The following LRRIQ1 variants were observed in gnomAD, a reference collection of about 807,000 sequenced individuals.
LRRIQ1 encodes leucine-rich repeat- and IQ domain-containing protein 1.
Under a neutral mutation model 211.9 loss-of-function variants are expected in LRRIQ1, and 210 were observed. The observed-to-expected ratio is 0.99, with a 90% CI of 0.89 to 1.11. The LOEUF (loss-of-function observed/expected upper bound fraction) is 1.11, where lower values mean the gene tolerates loss of function less well. Among genes scored for constraint, LRRIQ1 ranks in the 50% most tolerant of loss-of-function variants. The probability of loss-of-function intolerance (pLI) is 0.00; values close to 1 mark genes in which losing one functional copy is unlikely to be tolerated. For missense variants in LRRIQ1, 2,136 were observed against 1,939.5 expected (o/e 1.10, Z -1.90); for synonymous variants, 699 against 650.1 (o/e 1.08, Z -1.14).
chr12:85,192,960 AATATAATTATATATAAATATATAATT>A (rs1892658386), intron 24 of LRRIQ1, among the ~76,000 whole-genome samples: 1 of 87,090 alleles, frequency 1.1e-5, no homozygotes. Context: ...ATAATTATAT[AATATAATTATATATAAATATATAATT>A]ATATAATATA....
At chr12:85,107,960 G>T (rs770773901) in intron 15 of LRRIQ1, among the ~76,000 whole-genome samples, 6 of 151,934 alleles carry the variant, frequency 3.9e-5, no homozygotes, top group African/African-American at 7.3e-5. Context: ...AATAATAATA[G>T]CTGTATTAAT....
chr12:85,187,809 CAAAAAAA>C (rs749849862), intron 24 of LRRIQ1, among the ~76,000 whole-genome samples: 1 of 97,602 alleles, frequency 1.0e-5, no homozygotes, highest in Non-Finnish European at 2.1e-5. Flanking sequence ...AACTTCATCT[CAAAAAAA>C]AAAAAAAAAA....
intron 3 of LRRIQ1, among the ~76,000 whole-genome samples, chr12:85,042,324 T>G (rs2135885293): frequency 6.6e-6 from 1 of 151,014 alleles, no homozygotes; most frequent in South Asian, 2.1e-4. Flanking sequence ...ATGAATAAAG[T>G]AATTTTCCCA....
At chr12:85,070,486 C>T (rs1335507187) in intron 10 of LRRIQ1, among the ~76,000 whole-genome samples, 2 of 151,934 alleles carry the variant, frequency 1.3e-5, no homozygotes, top group South Asian at 2.1e-4. Context: ...AGCAGAATGA[C>T]AGGGCTAAAT....
intron 24 of LRRIQ1, among the ~76,000 whole-genome samples, chr12:85,217,511 TG>T (rs1894174847): frequency 2.4e-5 from 1 of 41,906 alleles, no homozygotes. Flanking sequence ...TATATATATG[TG>T]TGTGTGTGTG....
intron 11 of LRRIQ1, among the ~76,000 whole-genome samples, chr12:85,097,820 A>C (rs1886021962): frequency 6.6e-6 from 1 of 152,100 alleles, no homozygotes; most frequent in Non-Finnish European, 1.5e-5. Flanking sequence ...GGCTCATCTA[A>C]TATTTTGTAG....
intron 25 of LRRIQ1, 42 bp from the exon 26 acceptor site, chr12:85,232,654 C>G: frequency 6.6e-7 from 1 of 1,522,844 alleles, no homozygotes; most frequent in Non-Finnish European, 9.1e-7. Flanking sequence ...GCTTCCTCTA[C>G]ATTTACATTA....
chr12:85,196,902 G>A (rs968093139), intron 24 of LRRIQ1, among the ~76,000 whole-genome samples: 10 of 152,016 alleles, frequency 6.6e-5, no homozygotes, highest in Non-Finnish European at 4.4e-5. Context: ...CCTACAAAAT[G>A]GGAGAAAATT....
In LRRIQ1 at chr12:85,160,618, A is replaced by T. The variant is rs971769061; in HGVS notation, c.4726A>T (p.Thr1576Ser). ...SKKLKKKIDS[T>S]VRLALFKNNE... ...TTCTTATTCGTTTTGTTTAGATTCC[A>T]CTGTGCGTCTAGCCTTATTCAAAAA... The change falls in exon 24 of 27, where the codon ACT becomes TCT. Residue 1576 changes from threonine to serine, a missense_variant. Thr to Ser is a moderately conservative substitution (Grantham distance 58). Transcript: ENST00000393217. 7 of 1,597,134 alleles carry T rather than the reference A, an allele frequency of 4.4e-6. No individual in the cohort carries two copies. The highest frequency in any genetic ancestry group is 1.7e-6 in the Non-Finnish European group (2 of 1,166,032).
intron 6 of LRRIQ1, chr12:85,047,810 A>G (rs1239031954): frequency 9.5e-6 from 2 of 211,450 alleles, no homozygotes; most frequent in African/African-American, 4.7e-5. Context: ...ATTCTTGAGT[A>G]TGCATTAACC....
intron 24 of LRRIQ1, among the ~76,000 whole-genome samples, chr12:85,226,667 C>T (rs1302466501): frequency 1.4e-5 from 2 of 141,768 alleles, no homozygotes; most frequent in African/African-American, 5.4e-5. Flanking sequence ...TCTCCTAATG[C>T]CATCCCTCCC....
chr12:85,163,385 C>T (rs1209196565), intron 24 of LRRIQ1, among the ~76,000 whole-genome samples: 1 of 152,112 alleles, frequency 6.6e-6, no homozygotes, highest in Non-Finnish European at 1.5e-5. Flanking sequence ...ATTAAATTTT[C>T]CTGTAGGTTC....
chr12:85,208,705 G>A (rs1423046667), intron 24 of LRRIQ1, among the ~76,000 whole-genome samples: 3 of 152,060 alleles, frequency 2.0e-5, no homozygotes, highest in Non-Finnish European at 4.4e-5. Context: ...CTCAATGGAT[G>A]GATTAAAGAA....
At chr12:85,121,198 T>C (rs1887957589) in intron 15 of LRRIQ1, among the ~76,000 whole-genome samples, 1 of 152,078 alleles carries the variant, frequency 6.6e-6, no homozygotes, top group African/African-American at 2.4e-5. Context: ...CAGGAGAAAA[T>C]ATAATTGTAG....
chr12:85,063,990 G>A (rs145127491), intron 8 of LRRIQ1, among the ~76,000 whole-genome samples: 12 of 151,780 alleles, frequency 7.9e-5, no homozygotes, highest in East Asian at 3.9e-4. Context: ...GAGTACTGCC[G>A]TAAAAATGAG....
chr12:85,170,624 T>C (rs559600591), intron 24 of LRRIQ1, among the ~76,000 whole-genome samples: 25 of 151,704 alleles, frequency 1.6e-4, no homozygotes, highest in African/African-American at 5.8e-4. Flanking sequence ...CTCTTAGAGT[T>C]TTTTGAAATG....
intron 1 of LRRIQ1, among the ~76,000 whole-genome samples, chr12:85,255,982 T>C (rs1258776904): frequency 6.6e-6 from 1 of 151,700 alleles, no homozygotes; most frequent in East Asian, 1.9e-4. Flanking sequence ...ACATAATAGT[T>C]ATTGATTTAC....
chr12:85,083,223 C>T (rs1392211713), intron 11 of LRRIQ1, among the ~76,000 whole-genome samples: 1 of 152,104 alleles, frequency 6.6e-6, no homozygotes, highest in Non-Finnish European at 1.5e-5. Context: ...ATCAGTTTAA[C>T]AAGTTTTCTC....
chr12:85,166,345 C>T (rs1427503671), intron 24 of LRRIQ1, among the ~76,000 whole-genome samples: 1 of 152,176 alleles, frequency 6.6e-6, no homozygotes, highest in Non-Finnish European at 1.5e-5. Flanking sequence ...AATTCCCAGT[C>T]TGCTGCTGTC....
Sources: gnomAD v4.1 joint callset for allele counts (sites outside exome capture counted in the v4.1 genomes callset) on GRCh38, gnomAD v4.1.1 for gene constraint, MANE v1.5 for transcripts, NCBI Gene and HGNC (gene_info 2026-07-23, HGNC 2026-07-21) for gene names.